The following IL3RA variants were observed in gnomAD, a reference collection of about 807,000 sequenced individuals.
IL3RA encodes the protein interleukin 3 receptor subunit alpha, also known as interleukin-3 receptor subunit alpha.
In IL3RA, 73 loss-of-function variants were observed where a neutral mutation model predicts 52.3. The ratio of observed to expected loss-of-function variants is 1.40; its 90% CI spans 1.16 to 1.70. IL3RA has a LOEUF of 1.70. Among genes scored for constraint, IL3RA ranks in the 40% most tolerant of loss-of-function variants. IL3RA has a pLI of 0.00. For synonymous variants in IL3RA, 260 were observed against 194.0 expected, an observed-to-expected ratio of 1.34 and a Z score of -2.83; for missense variants, 664 against 504.4, an observed-to-expected ratio of 1.32 and a Z score of -3.03.
intron 9 of IL3RA, among the ~76,000 whole-genome samples, chrX:1,378,357 G>A (rs1467147924): frequency 5.9e-5 from 9 of 152,106 alleles, no homozygotes; most frequent in East Asian, 5.8e-4. Flanking sequence ...AGTCCCTGGC[G>A]CTCCCCGTGT....
intron 6 of IL3RA, among the ~76,000 whole-genome samples, chrX:1,355,562 C>T (rs748100156): frequency 6.2e-5 from 9 of 145,160 alleles, no homozygotes; most frequent in Middle Eastern, 3.6e-3. Context: ...GGCTGGTAGT[C>T]GGGTCACACC....
chrX:1,357,556 G>A (rs1287551637), intron 7 of IL3RA, among the ~76,000 whole-genome samples: 2 of 150,340 alleles, frequency 1.3e-5, no homozygotes, highest in African/African-American at 4.9e-5. Context: ...TAGAGATGGG[G>A]TTTCACCATC....
chrX:1,341,927 G>A, intron 2 of IL3RA, 98 bp downstream of exon 2: 1 of 1,302,818 alleles, frequency 7.7e-7, no homozygotes, highest in South Asian at 1.2e-5. Flanking sequence ...AACTTTTCAT[G>A]CTGAGCTCAT....
In IL3RA at chrX:1,378,759, C is replaced by T. The variant is rs1569528342; in HGVS notation, c.975C>T (p.Cys325=). Reference sequence around the variant, plus strand: ...CCCTGGTCTGTGTCTTCGTGATCTGCAGAAGGTGAGCCCTCGAGGGCGTCC... The same window carrying T: ...CCCTGGTCTGTGTCTTCGTGATCTGTAGAAGGTGAGCCCTCGAGGGCGTCC... ...LLALVCVFVI[C]RRYLVMQRLF... is the part of the protein sequence containing the mutation. Residue 325 remains cysteine, a synonymous_variant, in exon 10 of 12, where the codon TGC becomes TGT. Coordinates refer to ENST00000331035, the MANE Select transcript of IL3RA (RefSeq NM_002183.4). 1.2e-6 allele frequency: 2 copies of T among 1,612,296 alleles called. No individual in the cohort carries two copies. Among genetic ancestry groups the T allele is most frequent in the East Asian group, 2.2e-5 (1 of 44,886 alleles).
chrX:1,368,102 G>T (rs765023001), intron 9 of IL3RA, among the ~76,000 whole-genome samples: 6 of 152,164 alleles, frequency 3.9e-5, no homozygotes, highest in Admixed American at 3.9e-4. Flanking sequence ...TACAAAAAAT[G>T]TAACAAATTA....
intron 3 of IL3RA, among the ~76,000 whole-genome samples, chrX:1,347,945 G>C (rs187424037): frequency 6.6e-6 from 1 of 150,790 alleles, no homozygotes. Context: ...GATGAGGCAG[G>C]AGAATGGCAT....
chrX:1,342,644 T>A lies in IL3RA; in HGVS notation c.64+815T>A, dbSNP rs531066920. Among the ~76,000 whole-genome samples the A allele has an allele frequency of 5.6e-3, 815 of 145,482 alleles. 11 individuals are homozygous for A. Among genetic ancestry groups the A allele is most frequent in the African/African-American group, 0.019 (745 of 39,190 alleles). On this transcript the variant is annotated intron_variant, in intron 2 of 11. Transcript: ENST00000331035. ...AGCGTGACCATGGCTCACTGCAACCTCTACCTGCTGGGTTCAATTGATTCT... is the reference window on the plus strand; with the variant it reads ...AGCGTGACCATGGCTCACTGCAACCACTACCTGCTGGGTTCAATTGATTCT...
intron 8 of IL3RA, among the ~76,000 whole-genome samples, chrX:1,363,632 A>T (rs1319189885): frequency 6.6e-6 from 1 of 151,642 alleles, no homozygotes; most frequent in Non-Finnish European, 1.5e-5. Flanking sequence ...CTGGGGGCTA[A>T]GACTGCAACA....
chrX:1,348,794 T>G (rs2085939061), intron 4 of IL3RA, among the ~76,000 whole-genome samples: 1 of 146,800 alleles, frequency 6.8e-6, no homozygotes, highest in Non-Finnish European at 1.5e-5. Flanking sequence ...CTCCCTTCTT[T>G]CTTTTCTTCA....
chrX:1,381,413 C>T (rs1178345073), intron 11 of IL3RA, among the ~76,000 whole-genome samples: 1 of 152,076 alleles, frequency 6.6e-6, no homozygotes, highest in Admixed American at 6.6e-5. Context: ...AGGCTGGACA[C>T]CTGTCTGCTG....
At chrX:1,362,913 C>T in intron 8 of IL3RA, among the ~76,000 whole-genome samples, 1 of 152,054 alleles carries the variant, frequency 6.6e-6, no homozygotes, top group Non-Finnish European at 1.5e-5. Flanking sequence ...GTAGCTGGGA[C>T]TACAGGTGCA....
intron 6 of IL3RA, among the ~76,000 whole-genome samples, chrX:1,354,601 GA>G (rs2086484733): frequency 9.0e-6 from 1 of 111,358 alleles, no homozygotes; most frequent in Non-Finnish European, 1.9e-5. Context: ...AGAGGAGGGG[GA>G]GGAGGAGGAG....
At chrX:1,338,386 T>C (rs2085380070) in intron 1 of IL3RA, among the ~76,000 whole-genome samples, 1 of 145,914 alleles carries the variant, frequency 6.9e-6, no homozygotes. Context: ...TGGAGAAATA[T>C]AATGTGGTCC....
chrX:1,349,015 C>G (rs2085954487), intron 4 of IL3RA, among the ~76,000 whole-genome samples: 1 of 149,606 alleles, frequency 6.7e-6, no homozygotes. Flanking sequence ...CCTCCTCTCC[C>G]CTCTCCTTTC....
intron 2 of IL3RA, among the ~76,000 whole-genome samples, chrX:1,342,559 CTTTTT>C (rs751414193): frequency 1.8e-5 from 2 of 111,308 alleles, no homozygotes; most frequent in Non-Finnish European, 1.8e-5. Flanking sequence ...TCTTTAACTT[CTTTTT>C]TTTTTTTTTT....
At position 1,348,686 on chromosome X, in the gene IL3RA, C is replaced by G. The variant is rs1417953527; in HGVS notation, c.298+141C>G. ...TCTTTCTTTCTTTCTTTCTTTCTTT[C>G]TTTCTTTTTCTTTCTTTCTGTTTCT... On this transcript the variant is annotated intron_variant, in intron 4 of 11. Coordinates refer to ENST00000331035, the MANE Select transcript of IL3RA (RefSeq NM_002183.4). 1.1e-4 allele frequency: 50 copies of G among 469,030 alleles called. 1 individual carries two copies. The highest frequency in any genetic ancestry group is 1.0e-3 in the African/African-American group (27 of 26,184). 29.1% of individuals were successfully genotyped at this position (469,030 alleles called of 1,614,324 possible).
At chrX:1,338,101 G>T (rs2085372230) in intron 1 of IL3RA, among the ~76,000 whole-genome samples, 2 of 151,472 alleles carry the variant, frequency 1.3e-5, no homozygotes, top group African/African-American at 4.9e-5. Context: ...TAGCCAAGAG[G>T]TGGAGACAGC....
chrX:1,362,706 C>G (rs1334566811), intron 8 of IL3RA, among the ~76,000 whole-genome samples: 1 of 152,166 alleles, frequency 6.6e-6, no homozygotes, highest in Non-Finnish European at 1.5e-5. Flanking sequence ...GGGCTTGTGG[C>G]CATATCACTC....
chrX:1,368,727 T>C (rs2088388700), intron 9 of IL3RA, among the ~76,000 whole-genome samples: 1 of 147,442 alleles, frequency 6.8e-6, no homozygotes, highest in East Asian at 2.0e-4. Context: ...GAAGACGGCG[T>C]CTCCAAGCCC....
Sources: gnomAD v4.1 joint callset for allele counts (sites outside exome capture counted in the v4.1 genomes callset) on GRCh38, gnomAD v4.1.1 for gene constraint, MANE v1.5 for transcripts, NCBI Gene and HGNC (gene_info 2026-07-23, HGNC 2026-07-21) for gene names.